Variants in GIGYF1 observed in about 807,000 individuals in gnomAD.
The protein encoded by GIGYF1 is GRB10-interacting GYF protein 1.
A neutral mutation model predicts 147.1 loss-of-function variants in GIGYF1; 84 were observed. The ratio of observed to expected loss-of-function variants is 0.57; its 90% confidence interval spans 0.48 to 0.68. The LOEUF is 0.68. Among genes scored for constraint, GIGYF1 ranks in the 30% least tolerant of loss-of-function variants. The pLI, the probability that GIGYF1 is intolerant of heterozygous loss-of-function variation, is 0.00. For missense variants in GIGYF1, 1,485 were observed against 1,393.7 expected (o/e 1.07, Z -1.04); for synonymous variants, 752 against 589.5 (o/e 1.28, Z -3.99).
chr7:100,687,478 C>T (rs964741042), intron 7 of GIGYF1, 27 bp downstream of exon 7: 14 of 1,606,004 alleles, frequency 8.7e-6, no homozygotes, highest in Non-Finnish European at 1.2e-5. Flanking sequence ...ATCTGCCCGT[C>T]CCCAGGACAC....
chr7:100,693,259 G>C (rs560178997), intron 1 of GIGYF1, among the ~76,000 whole-genome samples: 18 of 151,376 alleles, frequency 1.2e-4, no homozygotes, highest in Admixed American at 1.2e-3. Flanking sequence ...AGAGAAGAGA[G>C]ACGAGGGGCT....
At chr7:100,690,873 C>A (rs1461330636) in intron 1 of GIGYF1, among the ~76,000 whole-genome samples, 1 of 151,922 alleles carries the variant, frequency 6.6e-6, no homozygotes, top group Non-Finnish European at 1.5e-5. Context: ...GCCTCCGGCT[C>A]AAGTCACCCA....
Position 100,680,189 on chromosome 7 carries a change from A to AAAAAC in GIGYF1, c.*1529_*1530insGTTTT, listed in dbSNP as rs1804596390. ...GCAAAAAAAAAAAAAAAAAAAAAAA[A>AAAAAC]ATCCAACAACAGAAAACCAAACACC... On this transcript the variant is annotated 3_prime_UTR_variant, in exon 27 of 27. Transcript: ENST00000678049. The AAAAAC allele has an allele frequency of 6.6e-6, 1 of 150,634 alleles. No homozygotes were observed. Among genetic ancestry groups the AAAAAC allele is most frequent in the African/African-American group, 2.5e-5 (1 of 40,816 alleles). 9.3% of individuals were successfully genotyped at this position (150,634 alleles called of 1,614,324 possible). A position where few individuals can be genotyped will look rare whatever the true frequency, so the allele number is the denominator to read the frequency against.
Position 100,684,574 on chromosome 7 carries a change from C to T in GIGYF1, c.1505G>A (p.Gly502Asp), listed in dbSNP as rs764491286. The part of the protein sequence containing the change: ...TQEMAEWFQA[G>D]YFSMSLLVKR... ...CACCAGCAGTGACATGGAAAAGTAG[C>T]CGGCCTGGAACCACTCTGCCATCTC... Residue 502 changes from glycine to aspartate, a missense_variant, in exon 16 of 27, where the codon GGC (glycine) becomes GAC (aspartate). Transcript: ENST00000678049. The T allele has an allele frequency of 1.2e-6, 2 of 1,614,050 alleles. No homozygotes were observed. Among genetic ancestry groups the T allele is most frequent in the Non-Finnish European group, 1.7e-6 (2 of 1,180,040 alleles).
chr7:100,692,799 A>C (rs537989110), intron 1 of GIGYF1, among the ~76,000 whole-genome samples: 162 of 152,296 alleles, frequency 1.1e-3, no homozygotes, highest in Non-Finnish European at 1.7e-3. Context: ...ATCCTTCCCA[A>C]TGGCACGACA....
At position 100,683,597 on chromosome 7, in the gene GIGYF1, A is replaced by T. The variant is rs1290854800; in HGVS notation, c.2005T>A (p.Ser669Thr). The change falls in exon 20 of 27, where the codon TCT (serine) becomes ACT (threonine). Residue 669 changes from serine (S) to threonine (T), a missense_variant. By Grantham distance (58) the Ser-to-Thr change is moderately conservative (BLOSUM62 1). Coordinates refer to ENST00000678049, the MANE Select transcript of GIGYF1 (RefSeq NM_001375765.1). ...TCTAGAATTGGACCCTGAGTCGAAG[A>T]GTTAATTGGTATGTCCCAAAGACTG... ...EASLWDIPIN[S>T]STQGPILEQL... The T allele has an allele frequency of 6.2e-7, 1 of 1,614,178 alleles. No individual in the cohort carries two copies. The highest frequency in any genetic ancestry group is 2.2e-5 in the East Asian group (1 of 44,882).
chr7:100,682,914 A>G, intron 22 of GIGYF1, 98 bp downstream of exon 22: 3 of 1,280,664 alleles, frequency 2.3e-6, no homozygotes, highest in East Asian at 2.5e-5. Flanking sequence ...AGAGGCTGGG[A>G]CTGGGGCTGG....
chr7:100,679,930 G>A lies in GIGYF1; in HGVS notation c.*1789C>T, dbSNP rs374387853. On this transcript the variant is annotated 3_prime_UTR_variant, in exon 27 of 27. Transcript: ENST00000678049. ...CCCCTGCATTGGCTGCGGCAGGGGT[G>A]GGGGGGTTACATTCAGTCACAACAG... The A allele has an allele frequency of 5.9e-5, 9 of 152,440 alleles. No homozygotes were observed. Among genetic ancestry groups the A allele is most frequent in the Admixed American group, 6.5e-5 (1 of 15,272 alleles). The allele number at this position is 152,440 out of a possible 1,614,324, so 9.4% of individuals were successfully genotyped here.
intron 6 of GIGYF1, 58 bp from the exon 7 acceptor site, chr7:100,687,674 C>G: frequency 7.7e-6 from 11 of 1,430,354 alleles, no homozygotes; most frequent in Admixed American, 1.9e-5. Flanking sequence ...CCTCCACCCC[C>G]ACCCCACAGC....
At position 100,680,253 on chromosome 7, in the gene GIGYF1, C is replaced by T. The variant is rs1186806061; in HGVS notation, c.*1466G>A. 1 of 152,384 alleles carries T rather than the reference C, an allele frequency of 6.6e-6. No individual in the cohort carries two copies. Among genetic ancestry groups the T allele is most frequent in the Non-Finnish European group, 1.5e-5 (1 of 68,030 alleles). 9.4% of individuals were successfully genotyped at this position (152,384 alleles called of 1,614,324 possible). The stretch of plus-strand genomic sequence containing the variant: ...TAGATGGGGAAAGAAACGGGCCACT[C>T]CCCATGTCCCCAGGGCAGGAGGGAG... On this transcript the variant is annotated 3_prime_UTR_variant, in exon 27 of 27. Coordinates refer to ENST00000678049, the MANE Select transcript of GIGYF1 (RefSeq NM_001375765.1).
intron 12 of GIGYF1, among the ~76,000 whole-genome samples, 180 bp downstream of exon 12, chr7:100,685,794 T>C (rs890332586): frequency 6.6e-6 from 1 of 152,228 alleles, no homozygotes; most frequent in African/African-American, 2.4e-5. Context: ...TTCTATCTGG[T>C]ACACTGCCTT....
At chr7:100,685,714 C>G (rs1805257977) in intron 12 of GIGYF1, among the ~76,000 whole-genome samples, 1 of 152,190 alleles carries the variant, frequency 6.6e-6, no homozygotes, top group South Asian at 2.1e-4. Flanking sequence ...CCACACAACA[C>G]CGCAGACGTC....
Position 100,682,127 on chromosome 7 carries a change from T to C in GIGYF1, c.2870A>G (p.Gln957Arg), listed in dbSNP as rs1279784650. The C allele has an allele frequency of 1.2e-6, 2 of 1,613,938 alleles. No individual in the cohort carries two copies. Among genetic ancestry groups the C allele is most frequent in the Non-Finnish European group, 1.7e-6 (2 of 1,179,926 alleles). ...CTGCTTGGCCCTCCGCTCCAGGAAT[T>C]GTTTGGCAAATTCTTTGGCTTCCAG... Reference protein sequence around the residue: ...DTLEAKEFAKQFLERRAKQKA... With the variant: ...DTLEAKEFAKRFLERRAKQKA... Residue 957 changes from glutamine to arginine, a missense_variant, in exon 25 of 27, where the codon CAA becomes CGA. Physicochemically the swap from Gln to Arg is conservative, Grantham distance 43. Coordinates refer to ENST00000678049, the MANE Select transcript of GIGYF1 (RefSeq NM_001375765.1).
Position 100,681,621 on chromosome 7 carries a change from T to C in GIGYF1, c.*98A>G, listed in dbSNP as rs1804776335. 4.2e-6 allele frequency: 5 copies of C among 1,196,578 alleles called. No homozygotes were observed. Among genetic ancestry groups the C allele is most frequent in the South Asian group, 1.6e-5 (1 of 61,812 alleles). 74.1% of individuals were successfully genotyped at this position (1,196,578 alleles called of 1,614,324 possible). ...TGCTGGGGACCCCGCCCCTGCCTCT[T>C]CCTGTGCTCTCTGCGGGGAGCCTGC... On this transcript the variant is annotated 3_prime_UTR_variant, in exon 27 of 27. Transcript: ENST00000678049.
rs1804993744 is a variant in GIGYF1 at position 100,683,454 on chromosome 7, G to A, written c.2053-10C>T. 1 of 1,614,176 alleles carries A rather than the reference G, an allele frequency of 6.2e-7. No homozygotes were observed. Among genetic ancestry groups the A allele is most frequent in the Non-Finnish European group, 8.5e-7 (1 of 1,180,020 alleles). On this transcript the variant is annotated splice_polypyrimidine_tract_variant and intron_variant, in intron 20 of 26. Coordinates refer to ENST00000678049, the MANE Select transcript of GIGYF1 (RefSeq NM_001375765.1). ...CTCTGCGCTCCTGGAACTGAGACCA[G>A]TGGCCCATCAGAGGGGAGAGCTGCA...
In GIGYF1 at chr7:100,680,230, G is replaced by A. The variant is rs975519008; in HGVS notation, c.*1489C>T. ...ACCAAACACCATCTTTCTGGGACTA[G>A]ATGGGGAAAGAAACGGGCCACTCCC... On this transcript the variant is annotated 3_prime_UTR_variant, in exon 27 of 27. Transcript: ENST00000678049. 1.3e-5 allele frequency: 2 copies of A among 148,734 alleles called. No homozygotes were observed. The highest frequency in any genetic ancestry group is 5.0e-5 in the African/African-American group (2 of 39,872). The allele number at this position is 148,734 out of a possible 1,614,324, so 9.2% of individuals were successfully genotyped here.
chr7:100,691,426 G>A (rs972438736), intron 1 of GIGYF1, among the ~76,000 whole-genome samples: 3 of 152,122 alleles, frequency 2.0e-5, no homozygotes, highest in Admixed American at 6.5e-5. Context: ...CTGAACAGCA[G>A]GGACATCATT....
chr7:100,685,647 G>A (rs1490255828), intron 12 of GIGYF1, among the ~76,000 whole-genome samples, 166 bp from the exon 13 acceptor site: 2 of 152,286 alleles, frequency 1.3e-5, no homozygotes, highest in East Asian at 3.9e-4. Context: ...GCGGTGCCCT[G>A]ACCCTCGCCT....
chr7:100,684,021 TG>T lies in GIGYF1; in HGVS notation c.1866del (p.Arg623GlufsTer11). On this transcript the variant is annotated frameshift_variant and splice_region_variant, in exon 18 of 27. Coordinates refer to ENST00000678049, the MANE Select transcript of GIGYF1 (RefSeq NM_001375765.1). LOFTEE classifies it high-confidence loss of function. ...TGAGGGCTCGCACGCACCACGCACC[TG>T]GGGGGTTTGAGCGCCTGGAGCTGCT... is the stretch of plus-strand genomic sequence containing the variant. ...FLQQLQALKP[P>X]RGGDQNLLPT... The T allele has an allele frequency of 7.1e-7, 1 of 1,399,394 alleles. No homozygotes were observed. 86.7% of individuals were successfully genotyped at this position (1,399,394 alleles called of 1,614,324 possible).
Sources: allele counts gnomAD v4.1 joint callset (sites outside exome capture counted in the v4.1 genomes callset), GRCh38; gene constraint gnomAD v4.1.1; transcripts MANE v1.5; gene names NCBI Gene and HGNC (gene_info 2026-07-23, HGNC 2026-07-21).